NCKAP5: variants seen among roughly 807,000 people sequenced by gnomAD.
The protein encoded by NCKAP5 is nck-associated protein 5.
In NCKAP5, 92 loss-of-function variants were observed where a neutral mutation model predicts 167.0. The observed-to-expected ratio is 0.55, with a 90% CI of 0.47 to 0.66. The LOEUF is 0.66. Ranked by LOEUF, NCKAP5 falls within the 30% of genes least tolerant of loss-of-function variation. The pLI, the probability that NCKAP5 is intolerant of heterozygous loss-of-function variation, is 0.00. For synonymous variants in NCKAP5, 891 were observed against 877.4 expected (o/e 1.02, Z -0.27); for missense variants, 2,378 against 2,315.0 (o/e 1.03, Z -0.56).
At chr2:132,932,423 G>C (rs1415065274) in intron 8 of NCKAP5, among the ~76,000 whole-genome samples, 1 of 152,078 alleles carries the variant, frequency 6.6e-6, no homozygotes, top group African/African-American at 2.4e-5. Context: ...TAGAGACAGG[G>C]AAAAAGTACA....
chr2:133,315,000 G>A (rs1021593969), intron 3 of NCKAP5, among the ~76,000 whole-genome samples: 4 of 152,200 alleles, frequency 2.6e-5, no homozygotes, highest in Non-Finnish European at 4.4e-5. Flanking sequence ...CAGTGTGGCT[G>A]GAGTGCAGAG....
chr2:132,770,366 T>C (rs13386592), intron 16 of NCKAP5, among the ~76,000 whole-genome samples: 23,927 of 147,920 alleles, frequency 0.16, 1,989 homozygotes, highest in East Asian at 0.18. Flanking sequence ...ACATATATTA[T>C]ATATTGTATA....
intron 3 of NCKAP5, chr2:133,431,802 A>G (rs1690178829): frequency 6.6e-6 from 1 of 152,196 alleles, no homozygotes; most frequent in South Asian, 2.1e-4. Context: ...AAGGAAAAAC[A>G]CAACTTCTTT....
rs79297056 is a variant in NCKAP5 at position 132,969,684 on chromosome 2, C to T, written c.430-5815G>A. Among the ~76,000 whole-genome samples, 279 of 152,170 alleles carry T rather than the reference C, an allele frequency of 1.8e-3. 2 individuals carry two copies. The East Asian group carries it at 0.048, about 26-fold the overall frequency. ...GACACAGATCCTTGCAGCTGGAAGT[C>T]GCAGGGCCACTTTGAATGGTCCTGG... On this transcript the variant is annotated intron_variant, in intron 7 of 19. Transcript: ENST00000409261.
intron 8 of NCKAP5, among the ~76,000 whole-genome samples, chr2:132,898,413 G>A (rs570169231): frequency 1.6e-4 from 24 of 152,272 alleles, no homozygotes; most frequent in East Asian, 5.8e-4. Context: ...CCAAACTCCC[G>A]TTAATGTTTA....
chr2:132,998,677 A>G (rs2077683515), intron 6 of NCKAP5, among the ~76,000 whole-genome samples: 2 of 152,186 alleles, frequency 1.3e-5, no homozygotes, highest in Admixed American at 6.5e-5. Context: ...AGCATCTTCC[A>G]TTGTTGTTTG....
intron 2 of NCKAP5, among the ~76,000 whole-genome samples, chr2:133,524,890 T>C (rs1330988790): frequency 6.6e-6 from 1 of 152,132 alleles, no homozygotes; most frequent in Non-Finnish European, 1.5e-5. Context: ...TATGTGTATG[T>C]GTGTATGTGT....
At chr2:132,716,320 T>A (rs986767024) in intron 19 of NCKAP5, among the ~76,000 whole-genome samples, 1 of 152,152 alleles carries the variant, frequency 6.6e-6, no homozygotes, top group African/African-American at 2.4e-5. Flanking sequence ...TCCCCCAACA[T>A]GAAGTGGAGG....
Position 133,386,906 on chromosome 2 carries a change from A to T in NCKAP5, c.70-83796T>A, listed in dbSNP as rs887057398. Among the ~76,000 whole-genome samples, 6 of 152,110 alleles carry T rather than the reference A, an allele frequency of 3.9e-5. No homozygotes were observed. The South Asian group carries it at 1.2e-3, about 32-fold the overall frequency. On this transcript the variant is annotated intron_variant, in intron 3 of 19. Transcript: ENST00000409261. ...TTGTTTTCCTTTTGCTTGGTAGATC[A>T]TCCTCCATCCCTTTATTTTGAGCCT...
intron 2 of NCKAP5, among the ~76,000 whole-genome samples, chr2:133,525,538 A>G (rs1684800266): frequency 6.6e-6 from 1 of 152,222 alleles, no homozygotes; most frequent in Non-Finnish European, 1.5e-5. Context: ...ATGAATCTGA[A>G]CTAAGTTTCT....
At chr2:133,575,207 G>T in the NCKAP5 span, among the ~76,000 whole-genome samples, 3 of 152,198 alleles carry the variant, frequency 2.0e-5, no homozygotes, top group Non-Finnish European at 4.4e-5. Flanking sequence ...TGGGCTATTA[G>T]GCAGGAGCCT....
the NCKAP5 span, among the ~76,000 whole-genome samples, chr2:133,597,096 G>C: frequency 5.9e-5 from 9 of 152,186 alleles, no homozygotes. Flanking sequence ...TGGCATACTT[G>C]GGAAAAACCC....
At chr2:133,492,170 T>TGTGTGTGTGTG (rs1559524824) in intron 3 of NCKAP5, among the ~76,000 whole-genome samples, 1 of 151,478 alleles carries the variant, frequency 6.6e-6, no homozygotes, top group Non-Finnish European at 1.5e-5. Context: ...TGTGTGTGTG[T>TGTGTGTGTGTG]TAAGGTCTAT....
intron 3 of NCKAP5, among the ~76,000 whole-genome samples, chr2:133,429,563 T>C (rs1162691462): frequency 6.6e-6 from 1 of 152,150 alleles, no homozygotes; most frequent in Non-Finnish European, 1.5e-5. Flanking sequence ...AATGAAAATA[T>C]GCACTATTTG....
At chr2:133,549,338 G>T (rs572301372) in intron 2 of NCKAP5, among the ~76,000 whole-genome samples, 5 of 148,816 alleles carry the variant, frequency 3.4e-5, no homozygotes, top group Admixed American at 6.7e-5. Flanking sequence ...TGACCACATA[G>T]TTGGAAGTAA....
intron 2 of NCKAP5, among the ~76,000 whole-genome samples, chr2:133,518,881 T>C (rs952637312): frequency 2.6e-5 from 4 of 152,338 alleles, no homozygotes; most frequent in East Asian, 1.9e-4. Context: ...AATATATCCT[T>C]GATGATTCAG....
At chr2:132,750,586 T>C (rs1387155486) in intron 16 of NCKAP5, among the ~76,000 whole-genome samples, 2 of 152,054 alleles carry the variant, frequency 1.3e-5, no homozygotes, top group Non-Finnish European at 2.9e-5. Flanking sequence ...AAGATCATAA[T>C]AGGAGGGTAA....
intron 6 of NCKAP5, among the ~76,000 whole-genome samples, chr2:133,036,375 A>G (rs1235615137): frequency 6.6e-6 from 1 of 151,976 alleles, no homozygotes; most frequent in Non-Finnish European, 1.5e-5. Context: ...ATCAAAAAAG[A>G]CCACAAGCCA....
intron 4 of NCKAP5, among the ~76,000 whole-genome samples, chr2:133,291,206 G>A (rs1045704887): frequency 1.3e-5 from 2 of 152,176 alleles, no homozygotes; most frequent in African/African-American, 4.8e-5. Context: ...AGCATGATGA[G>A]AGATAGAGGA....
Sources: gnomAD v4.1 joint callset for allele counts (sites outside exome capture counted in the v4.1 genomes callset) on GRCh38, gnomAD v4.1.1 for gene constraint, MANE v1.5 for transcripts, NCBI Gene and HGNC (gene_info 2026-07-23, HGNC 2026-07-21) for gene names.